TMSB4X: variants seen among roughly 807,000 people sequenced by gnomAD.
TMSB4X encodes thymosin beta-4.
A neutral mutation model predicts 3.6 loss-of-function variants in TMSB4X; 1 was observed. The observed-to-expected ratio is 0.28, with a 90% confidence interval of 0.10 to 1.32. The LOEUF is 1.32. Ranked by LOEUF, TMSB4X falls within the 40% of genes most tolerant of loss-of-function variation. The probability of loss-of-function intolerance (pLI) is 0.45; values close to 1 mark genes in which losing one functional copy is unlikely to be tolerated. For missense variants in TMSB4X, 6 were observed against 32.7 expected (o/e 0.18, Z 1.99); for synonymous variants, 12 against 14.3 (o/e 0.84, Z 0.36).
chrX:12,975,343 G>A (rs2147274373), intron 1 of TMSB4X, 175 bp downstream of exon 1: 1 of 113,679 alleles, frequency 8.8e-6, no homozygotes, highest in East Asian at 2.8e-4. Flanking sequence ...TGGATAATGG[G>A]GTGGGGAAAT....
chrX:12,975,211 C>T (rs1277709948), intron 1 of TMSB4X, 43 bp downstream of exon 1: 1 of 115,436 alleles, frequency 8.7e-6, no homozygotes, highest in African/African-American at 3.2e-5. Context: ...GCCGTCCTGC[C>T]TCCGTCCCCG....
intron 2 of TMSB4X, 142 bp downstream of exon 2, chrX:12,976,503 A>C: frequency 1.7e-6 from 1 of 579,890 alleles, no homozygotes. Flanking sequence ...TGTGGCTTGC[A>C]AAGGTTAATT....
intron 2 of TMSB4X, 65 bp downstream of exon 2, chrX:12,976,426 G>C (rs1054496544): frequency 1.0e-6 from 1 of 970,006 alleles, no homozygotes; most frequent in African/African-American, 1.9e-5. Context: ...GAGGGCGGGA[G>C]GCTGGGAGCG....
intron 1 of TMSB4X, 84 bp from the exon 2 acceptor site, chrX:12,976,162 G>A: frequency 1.5e-6 from 1 of 677,685 alleles, no homozygotes; most frequent in East Asian, 3.4e-5. Flanking sequence ...GCTGCGGGTC[G>A]GAGGGCAGAA....
At chrX:12,975,690 C>G (rs2043291840) in intron 1 of TMSB4X, 2 of 113,648 alleles carry the variant, frequency 1.8e-5, no homozygotes, top group East Asian at 2.8e-4. Flanking sequence ...GCGGCGGCCG[C>G]TTTGTGTGCG....
chrX:12,975,977 C>CA (rs1473810574), intron 1 of TMSB4X: 1 of 235,266 alleles, frequency 4.3e-6, no homozygotes, highest in African/African-American at 2.9e-5. Flanking sequence ...TCGCAGTGGT[C>CA]AATTTCCTTT....
intron 2 of TMSB4X, 88 bp downstream of exon 2, chrX:12,976,449 A>C: frequency 4.0e-6 from 3 of 758,624 alleles, no homozygotes; most frequent in Non-Finnish European, 2.0e-6. Flanking sequence ...CGCGGGAAGA[A>C]TTCGGGAGGG....
intron 1 of TMSB4X, 48 bp from the exon 2 acceptor site, chrX:12,976,198 G>A (rs1465259343): frequency 1.0e-6 from 1 of 978,026 alleles, no homozygotes; most frequent in Non-Finnish European, 1.5e-6. Flanking sequence ...CAGAGACAGC[G>A]GGGCGGGTGG....
chrX:12,976,052 G>A (rs2043294339), intron 1 of TMSB4X, 194 bp from the exon 2 acceptor site: 1 of 402,209 alleles, frequency 2.5e-6, no homozygotes, highest in Non-Finnish European at 4.4e-6. Flanking sequence ...TGAAATATGG[G>A]GAGGAGGGGC....
At chrX:12,975,644 T>C (rs182361306) in intron 1 of TMSB4X, 1 of 113,682 alleles carries the variant, frequency 8.8e-6, no homozygotes, top group South Asian at 3.5e-4. Flanking sequence ...GGATGCCGAA[T>C]TGCCGGGAGA....
chrX:12,976,872 TC>T lies in TMSB4X; in HGVS notation c.*62del, dbSNP rs1447134193. 1 of 1,127,356 alleles carries T rather than the reference TC, an allele frequency of 8.9e-7. No individual in the cohort carries two copies. Among genetic ancestry groups the T allele is most frequent in the African/African-American group, 1.8e-5 (1 of 54,724 alleles). The allele number at this position is 1,127,356 out of a possible 1,213,427, so 92.9% of individuals were successfully genotyped here. On this transcript the variant is annotated 3_prime_UTR_variant, in exon 3 of 3. Transcript: ENST00000451311. ...ACAAGCATTGCCTTCTTATTTTACTTCTTTTAGCTGTTTAACTTTGTAAGAT... is the reference window on the plus strand; with the variant it reads ...ACAAGCATTGCCTTCTTATTTTACTTTTTTAGCTGTTTAACTTTGTAAGAT...
chrX:12,975,596 C>G (rs2043290975), intron 1 of TMSB4X: 1 of 113,442 alleles, frequency 8.8e-6, no homozygotes, highest in Admixed American at 9.2e-5. Flanking sequence ...TGTGCTATGA[C>G]ATCTTTACAG....
At chrX:12,976,726 T>G in intron 2 of TMSB4X, 51 bp from the exon 3 acceptor site, 1 of 1,174,706 alleles carries the variant, frequency 8.5e-7, no homozygotes, top group Non-Finnish European at 1.1e-6. Context: ...CTGTACTGAA[T>G]CCTTTAATCA....
chrX:12,976,741 C>T (rs770243083), intron 2 of TMSB4X, 36 bp from the exon 3 acceptor site: 7 of 1,150,661 alleles, frequency 6.1e-6, no homozygotes, highest in Middle Eastern at 2.4e-4. Flanking sequence ...TAATCATCTC[C>T]CTCCATCTTT....
intron 2 of TMSB4X, 126 bp from the exon 3 acceptor site, chrX:12,976,651 C>G (rs1489396693): frequency 3.3e-5 from 25 of 750,883 alleles, no homozygotes; most frequent in Middle Eastern, 5.9e-4. Flanking sequence ...TATTTTATTC[C>G]ATTGTGGAAT....
At chrX:12,976,057 A>G (rs1341968027) in intron 1 of TMSB4X, 189 bp from the exon 2 acceptor site, 4 of 397,052 alleles carry the variant, frequency 1.0e-5, no homozygotes, top group Non-Finnish European at 1.3e-5. Context: ...TATGGGGAGG[A>G]GGGGCGCGGG....
At chrX:12,975,606 G>A (rs998269594) in intron 1 of TMSB4X, 1 of 113,523 alleles carries the variant, frequency 8.8e-6, no homozygotes, top group Non-Finnish European at 1.9e-5. Context: ...CATCTTTACA[G>A]TCCTTCTTGC....
At position 12,977,179 on chromosome X, in the gene TMSB4X, T is replaced by C. The variant is rs2043301178; in HGVS notation, c.*368T>C. The C allele has an allele frequency of 5.7e-6, 1 of 176,842 alleles. No individual in the cohort carries two copies. Among genetic ancestry groups the C allele is most frequent in the African/African-American group, 3.1e-5 (1 of 32,253 alleles). 14.6% of individuals were successfully genotyped at this position (176,842 alleles called of 1,213,427 possible). On this transcript the variant is annotated 3_prime_UTR_variant, in exon 3 of 3. Transcript: ENST00000451311. ...TTTTTTGTTCAAATGATTTTAATTA[T>C]TGGAATGCACAATTTTTTTAATATG...
intron 2 of TMSB4X, 116 bp from the exon 3 acceptor site, chrX:12,976,661 T>C: frequency 3.7e-6 from 3 of 815,280 alleles, no homozygotes; most frequent in Non-Finnish European, 5.4e-6. Context: ...CATTGTGGAA[T>C]ACCGTGTAGA....
Sources: allele counts gnomAD v4.1 joint callset, GRCh38; gene constraint gnomAD v4.1.1; transcripts MANE v1.5; gene names NCBI Gene and HGNC (gene_info 2026-07-23, HGNC 2026-07-21).